Variants in KCNMA1 observed in about 807,000 individuals in gnomAD.
The protein encoded by KCNMA1 is potassium calcium-activated channel subfamily M alpha 1, also known as Calcium-activated potassium channel subunit alpha-1.
Under a neutral mutation model 140.0 loss-of-function variants are expected in KCNMA1, and 29 were observed. The observed-to-expected ratio is 0.21, with a 90% CI of 0.15 to 0.28. The LOEUF (loss-of-function observed/expected upper bound fraction) is 0.28. KCNMA1 is among the 10% of genes least tolerant of loss of function. KCNMA1 has a pLI of 1.00. For synonymous variants in KCNMA1, 612 were observed against 611.9 expected (o/e 1.00, Z 0.00); for missense variants, 880 against 1,602.2 (o/e 0.55, Z 7.70).
chr10:77,625,622 T>C (rs888577003), intron 1 of KCNMA1, among the ~76,000 whole-genome samples: 1 of 152,240 alleles, frequency 6.6e-6, no homozygotes, highest in African/African-American at 2.4e-5. Context: ...TGTGACTGGC[T>C]TATTTCATTT....
chr10:77,502,239 C>T (rs1296964266), intron 1 of KCNMA1, among the ~76,000 whole-genome samples: 1 of 152,210 alleles, frequency 6.6e-6, no homozygotes, highest in Non-Finnish European at 1.5e-5. Context: ...GTGATTCTGA[C>T]ACCAGAAATG....
chr10:77,269,840 T>C (rs2064491580), intron 2 of KCNMA1, among the ~76,000 whole-genome samples: 1 of 152,016 alleles, frequency 6.6e-6, no homozygotes, highest in African/African-American at 2.4e-5. Context: ...AGGAGCCCCA[T>C]CTCCCCTATA....
At chr10:77,141,444 A>G (rs2098167789) in intron 5 of KCNMA1, among the ~76,000 whole-genome samples, 2 of 152,210 alleles carry the variant, frequency 1.3e-5, no homozygotes, top group African/African-American at 4.8e-5. Flanking sequence ...TAGTGCCATT[A>G]TAAGAAGAGA....
chr10:77,171,342 C>T (rs931296364), intron 5 of KCNMA1, among the ~76,000 whole-genome samples: 4 of 151,742 alleles, frequency 2.6e-5, no homozygotes, highest in African/African-American at 7.3e-5. Context: ...GTCCTTACCA[C>T]GACCCAAAGA....
chr10:77,270,654 T>C (rs1324645954), intron 2 of KCNMA1, among the ~76,000 whole-genome samples: 2 of 151,262 alleles, frequency 1.3e-5, no homozygotes, highest in Non-Finnish European at 2.9e-5. Context: ...CTCAAGTAGC[T>C]GGGACTACAG....
chr10:77,068,017 C>G (rs1040463764), intron 14 of KCNMA1, among the ~76,000 whole-genome samples: 1 of 152,194 alleles, frequency 6.6e-6, no homozygotes, highest in Non-Finnish European at 1.5e-5. Context: ...CTTATCGTTT[C>G]TCACATTTCC....
At chr10:77,371,309 T>C (rs1400804238) in intron 2 of KCNMA1, among the ~76,000 whole-genome samples, 1 of 152,132 alleles carries the variant, frequency 6.6e-6, no homozygotes, top group East Asian at 1.9e-4. Flanking sequence ...TACTTGATTC[T>C]CCAGGTCCAC....
At chr10:77,035,527 G>GT in intron 15 of KCNMA1, among the ~76,000 whole-genome samples, 1 of 152,302 alleles carries the variant, frequency 6.6e-6, no homozygotes, top group East Asian at 1.9e-4. Flanking sequence ...GTTGGCATTT[G>GT]TAAGTATTGC....
At chr10:77,129,401 TGCC>T (rs2097804416) in intron 5 of KCNMA1, among the ~76,000 whole-genome samples, 1 of 152,204 alleles carries the variant, frequency 6.6e-6, no homozygotes, top group African/African-American at 2.4e-5. Context: ...GCTAGTAGTA[TGCC>T]AAAAGGAGAA....
At chr10:77,565,993 CG>C (rs2154559825) in intron 1 of KCNMA1, among the ~76,000 whole-genome samples, 1 of 145,466 alleles carries the variant, frequency 6.9e-6, no homozygotes, top group African/African-American at 2.5e-5. Context: ...TGTGCCTCCA[CG>C]GAATATTCTC....
exon 28 of KCNMA1, chr10:76,870,381 T>C (rs1400429847): frequency 1.3e-5 from 2 of 152,278 alleles, no homozygotes; most frequent in Non-Finnish European, 2.9e-5. Flanking sequence ...GCCGAGAGCA[T>C]TGGTGTCACT....
intron 3 of KCNMA1, among the ~76,000 whole-genome samples, chr10:77,193,722 C>G (rs1598400062): frequency 6.6e-6 from 1 of 152,258 alleles, no homozygotes; most frequent in Admixed American, 6.5e-5. Context: ...CAACCCCAAC[C>G]CCACTCTGGG....
intron 2 of KCNMA1, among the ~76,000 whole-genome samples, chr10:77,344,414 T>C (rs781003381): frequency 9.9e-5 from 15 of 152,172 alleles, no homozygotes; most frequent in Non-Finnish European, 1.8e-4. Context: ...GGACCTTGGG[T>C]ACTGAAAACA....
At chr10:77,008,225 C>A in intron 18 of KCNMA1, 1 of 1,527,900 alleles carries the variant, frequency 6.5e-7, no homozygotes, top group South Asian at 1.2e-5. Flanking sequence ...AGAGTAGGGG[C>A]CGTATTCCAA....
At position 77,290,946 on chromosome 10, in the gene KCNMA1, C is replaced by T. The variant is rs538934410; in HGVS notation, c.541-39690G>A. On this transcript the variant is annotated intron_variant, in intron 2 of 27. Coordinates refer to ENST00000286628, the MANE Select transcript of KCNMA1 (RefSeq NM_001161352.2). ...AGGAGGGGCAGTTGGAAAGAAGGCT[C>T]GGAGATTTGATATTCAGGAAGTCCA... Among the ~76,000 whole-genome samples, 94 of 152,242 alleles carry T rather than the reference C, an allele frequency of 6.2e-4. 1 individual carries two copies. Among genetic ancestry groups the T allele is most frequent in the Middle Eastern group, 3.4e-3 (1 of 294 alleles).
chr10:77,113,812 CATG>C (rs2097383197), intron 6 of KCNMA1, among the ~76,000 whole-genome samples: 1 of 152,166 alleles, frequency 6.6e-6, no homozygotes, highest in Admixed American at 6.5e-5. Context: ...AGGTTTACAA[CATG>C]ATATTACCTA....
chr10:77,196,097 T>A (rs1252153317), intron 3 of KCNMA1, among the ~76,000 whole-genome samples: 1 of 152,144 alleles, frequency 6.6e-6, no homozygotes. Flanking sequence ...AGGCCCTTCT[T>A]TTAATTTTAT....
intron 1 of KCNMA1, among the ~76,000 whole-genome samples, chr10:77,523,019 C>T (rs540578582): frequency 6.6e-6 from 1 of 152,226 alleles, no homozygotes; most frequent in African/African-American, 2.4e-5. Flanking sequence ...TCTATGTAGT[C>T]CTCCTGAATG....
At chr10:77,301,640 C>A (rs1267044642) in intron 2 of KCNMA1, among the ~76,000 whole-genome samples, 1 of 151,938 alleles carries the variant, frequency 6.6e-6, no homozygotes, top group Admixed American at 6.6e-5. Context: ...TCACCAACCA[C>A]GAAGATTCTA....
Sources: gnomAD v4.1 joint callset for allele counts (sites outside exome capture counted in the v4.1 genomes callset) on GRCh38, gnomAD v4.1.1 for gene constraint, MANE v1.5 for transcripts, NCBI Gene and HGNC (gene_info 2026-07-23, HGNC 2026-07-21) for gene names.